Variants in NRXN3 observed in about 807,000 individuals in gnomAD.
NRXN3 encodes neurexin III.
NRXN3 carries 32 observed loss-of-function variants against 137.6 expected under a neutral mutation model. The ratio of observed to expected loss-of-function variants is 0.23; its 90% CI spans 0.18 to 0.31. NRXN3 has a LOEUF of 0.31. Ranked by LOEUF, NRXN3 falls within the 10% of genes least tolerant of loss-of-function variation. The pLI, the probability that NRXN3 is intolerant of heterozygous loss-of-function variation, is 1.00. For synonymous variants in NRXN3, 798 were observed against 784.5 expected, an observed-to-expected ratio of 1.02 and a Z score of -0.29; for missense variants, 1,574 against 2,062.5, an observed-to-expected ratio of 0.76 and a Z score of 4.59.
chr14:79,163,495 C>G (rs566585517), intron 15 of NRXN3, among the ~76,000 whole-genome samples: 2 of 151,800 alleles, frequency 1.3e-5, no homozygotes, highest in African/African-American at 4.8e-5. Context: ...GTCTTCTATC[C>G]CAAGAGAGAT....
At chr14:79,597,129 T>A (rs2097866119) in intron 16 of NRXN3, among the ~76,000 whole-genome samples, 1 of 152,180 alleles carries the variant, frequency 6.6e-6, no homozygotes, top group Non-Finnish European at 1.5e-5. Context: ...GATTACCTCT[T>A]AGATTAGATC....
intron 10 of NRXN3, among the ~76,000 whole-genome samples, chr14:78,830,862 A>T (rs1474003653): frequency 1.3e-5 from 2 of 152,192 alleles, no homozygotes; most frequent in Non-Finnish European, 2.9e-5. Context: ...ATTCAACTTC[A>T]TTCATCTGAC....
intron 4 of NRXN3, among the ~76,000 whole-genome samples, chr14:78,348,963 A>G (rs1233368404): frequency 2.0e-5 from 3 of 152,190 alleles, no homozygotes; most frequent in African/African-American, 7.2e-5. Context: ...CACTGTGCAG[A>G]GGGCACACAA....
intron 4 of NRXN3, among the ~76,000 whole-genome samples, chr14:78,533,718 A>G (rs780777243): frequency 2.0e-5 from 3 of 152,152 alleles, no homozygotes; most frequent in Non-Finnish European, 4.4e-5. Flanking sequence ...TCAGCTCGAT[A>G]TCATCTCTCC....
intron 17 of NRXN3, among the ~76,000 whole-genome samples, chr14:79,686,816 A>G (rs2098697172): frequency 6.6e-6 from 1 of 152,178 alleles, no homozygotes; most frequent in Non-Finnish European, 1.5e-5. Context: ...TAGGAAGGAA[A>G]TGATACTGTC....
chr14:79,752,124 T>A (rs2099000079), intron 19 of NRXN3, among the ~76,000 whole-genome samples: 1 of 152,180 alleles, frequency 6.6e-6, no homozygotes, highest in Admixed American at 6.5e-5. Context: ...TTTCTATTGA[T>A]TGGAATAGTT....
At chr14:79,541,405 A>C (rs2097271153) in intron 16 of NRXN3, among the ~76,000 whole-genome samples, 1 of 152,054 alleles carries the variant, frequency 6.6e-6, no homozygotes, top group Non-Finnish European at 1.5e-5. Context: ...ACTCATCTCA[A>C]AAAAAAAGAT....
At chr14:79,209,875 T>A (rs1298907397) in intron 15 of NRXN3, among the ~76,000 whole-genome samples, 1 of 152,190 alleles carries the variant, frequency 6.6e-6, no homozygotes, top group Non-Finnish European at 1.5e-5. Flanking sequence ...TACAACACTG[T>A]TAAGAGACAA....
At chr14:78,983,174 G>A (rs919969197) in intron 14 of NRXN3, among the ~76,000 whole-genome samples, 2 of 152,152 alleles carry the variant, frequency 1.3e-5, no homozygotes, top group Non-Finnish European at 2.9e-5. Context: ...GGAGAAAAGG[G>A]AACACTTGTG....
intron 15 of NRXN3, among the ~76,000 whole-genome samples, chr14:79,264,557 TGC>T (rs1318146760): frequency 2.0e-4 from 24 of 122,926 alleles, no homozygotes; most frequent in Middle Eastern, 8.5e-3. Context: ...TGTGTGTGTG[TGC>T]GCGCGTGCAT....
chr14:79,363,473 CAGA>C (rs1163312929), intron 15 of NRXN3, among the ~76,000 whole-genome samples: 1 of 152,050 alleles, frequency 6.6e-6, no homozygotes, highest in African/African-American at 2.4e-5. Context: ...CATGGAGTGG[CAGA>C]AGACCAGCTG....
At chr14:78,914,463 G>A (rs2152799568) in intron 10 of NRXN3, among the ~76,000 whole-genome samples, 1 of 152,316 alleles carries the variant, frequency 6.6e-6, no homozygotes, top group South Asian at 2.1e-4. Context: ...ATGTCAGGGT[G>A]AGGAGGACCA....
chr14:79,454,707 C>A (rs2096234463), intron 15 of NRXN3, among the ~76,000 whole-genome samples: 1 of 151,942 alleles, frequency 6.6e-6, no homozygotes, highest in South Asian at 2.1e-4. Context: ...CAATACTTTG[C>A]TGTTGATAAT....
intron 4 of NRXN3, among the ~76,000 whole-genome samples, chr14:78,589,810 C>G (rs1442934246): frequency 6.6e-6 from 1 of 152,008 alleles, no homozygotes; most frequent in East Asian, 1.9e-4. Context: ...GCCAGGGCTG[C>G]CAAGAGCAGG....
intron 15 of NRXN3, among the ~76,000 whole-genome samples, chr14:79,048,043 C>T (rs1032688534): frequency 6.6e-6 from 1 of 151,800 alleles, no homozygotes; most frequent in Non-Finnish European, 1.5e-5. Context: ...TATGGATAAA[C>T]AAAACACAGT....
intron 19 of NRXN3, among the ~76,000 whole-genome samples, chr14:79,717,804 G>A (rs183517045): frequency 1.6e-3 from 236 of 152,138 alleles, no homozygotes; most frequent in African/African-American, 3.5e-3. Flanking sequence ...CTCTTAGACC[G>A]TTAAACCTTT....
intron 16 of NRXN3, among the ~76,000 whole-genome samples, chr14:79,523,258 G>A (rs947920812): frequency 3.9e-5 from 6 of 152,082 alleles, no homozygotes; most frequent in Admixed American, 2.6e-4. Context: ...TCTTCAGTAA[G>A]TACAAAATGA....
intron 15 of NRXN3, among the ~76,000 whole-genome samples, chr14:79,419,193 G>A (rs1169431726): frequency 6.6e-6 from 1 of 152,130 alleles, no homozygotes; most frequent in Non-Finnish European, 1.5e-5. Context: ...CTTTCATTGA[G>A]ATAAAAAGGG....
At chr14:78,384,326 C>CTATA (rs1008804378) in intron 4 of NRXN3, among the ~76,000 whole-genome samples, 7 of 152,030 alleles carry the variant, frequency 4.6e-5, no homozygotes, top group African/African-American at 1.7e-4. Context: ...AATTATGCTT[C>CTATA]TATAGCATAC....
Sources: gnomAD v4.1 joint callset for allele counts (sites outside exome capture counted in the v4.1 genomes callset) on GRCh38, gnomAD v4.1.1 for gene constraint, MANE v1.5 for transcripts, NCBI Gene and HGNC (gene_info 2026-07-23, HGNC 2026-07-21) for gene names.